NEGR1: variants seen among roughly 807,000 people sequenced by gnomAD.
The protein encoded by NEGR1 is IgLON family member 4.
In NEGR1, 10 loss-of-function variants were observed where a neutral mutation model predicts 40.9. The ratio of observed to expected loss-of-function variants is 0.24; its 90% confidence interval spans 0.15 to 0.42. The LOEUF (loss-of-function observed/expected upper bound fraction) is 0.42. Ranked by LOEUF, NEGR1 falls within the 10% of genes least tolerant of loss-of-function variation. The pLI, the probability that NEGR1 is intolerant of heterozygous loss-of-function variation, is 1.00. For synonymous variants in NEGR1, 185 were observed against 166.8 expected, an observed-to-expected ratio of 1.11 and a Z score of -0.84; for missense variants, 352 against 438.9, an observed-to-expected ratio of 0.80 and a Z score of 1.77.
Position 71,406,899 on chromosome 1 carries a change from A to C in NEGR1, c.*547T>G, listed in dbSNP as rs1168588620. The C allele has an allele frequency of 6.6e-6, 1 of 152,514 alleles. No individual in the cohort carries two copies. Among genetic ancestry groups the C allele is most frequent in the Non-Finnish European group, 1.5e-5 (1 of 67,960 alleles). The allele number at this position is 152,514 out of a possible 1,614,324, so 9.4% of individuals were successfully genotyped here. A position where few individuals can be genotyped will look rare whatever the true frequency, so the allele number is the denominator to read the frequency against. ...CACAGCCAGTTATATTACAAGGCTC[A>C]TTCCTGAAACCTGAATATCATGCGA... is the stretch of plus-strand genomic sequence containing the variant. On this transcript the variant is annotated 3_prime_UTR_variant, in exon 7 of 7. Coordinates refer to ENST00000357731, the MANE Select transcript of NEGR1 (RefSeq NM_173808.3).
intron 2 of NEGR1, among the ~76,000 whole-genome samples, chr1:71,928,565 TAC>T (rs1031171491): frequency 2.0e-5 from 3 of 147,588 alleles, no homozygotes; most frequent in Non-Finnish European, 4.5e-5. Context: ...TGTATATATA[TAC>T]CTATATATAT....
chr1:71,925,006 CGT>C (rs1645758756), intron 2 of NEGR1, among the ~76,000 whole-genome samples: 1 of 151,802 alleles, frequency 6.6e-6, no homozygotes. Flanking sequence ...GAAAGAAATA[CGT>C]GCATTTATAA....
At chr1:71,958,437 A>C (rs989162891) in intron 1 of NEGR1, among the ~76,000 whole-genome samples, 3 of 152,214 alleles carry the variant, frequency 2.0e-5, no homozygotes, top group Non-Finnish European at 2.9e-5. Flanking sequence ...AAACTATGAA[A>C]TATAAGAGAA....
intron 2 of NEGR1, among the ~76,000 whole-genome samples, chr1:71,817,831 C>T (rs759627861): frequency 6.6e-6 from 1 of 152,034 alleles, no homozygotes; most frequent in Admixed American, 6.6e-5. Flanking sequence ...TGGTGTTCTA[C>T]AGTCATGTTG....
At chr1:71,778,437 G>A (rs1393142468) in intron 2 of NEGR1, among the ~76,000 whole-genome samples, 2 of 152,178 alleles carry the variant, frequency 1.3e-5, no homozygotes, top group South Asian at 2.1e-4. Context: ...GTCTGAGCAC[G>A]TTTAATGAAG....
At chr1:71,949,513 A>C (rs1646050689) in intron 1 of NEGR1, among the ~76,000 whole-genome samples, 1 of 152,158 alleles carries the variant, frequency 6.6e-6, no homozygotes. Flanking sequence ...GAATACTATA[A>C]GAACTCCAAA....
intron 6 of NEGR1, among the ~76,000 whole-genome samples, chr1:71,477,636 T>A (rs1459830721): frequency 6.6e-6 from 1 of 152,082 alleles, no homozygotes; most frequent in Admixed American, 6.6e-5. Context: ...GTTGCTTTAG[T>A]TTAGTTAGCT....
At chr1:71,851,315 A>G in intron 2 of NEGR1, among the ~76,000 whole-genome samples, 1 of 152,236 alleles carries the variant, frequency 6.6e-6, no homozygotes, top group East Asian at 1.9e-4. Context: ...CATCCTAGGT[A>G]TGTTTTCTAA....
intron 1 of NEGR1, among the ~76,000 whole-genome samples, chr1:72,048,632 G>C (rs1647025398): frequency 6.6e-6 from 1 of 151,446 alleles, no homozygotes; most frequent in South Asian, 2.1e-4. Context: ...CTAGCAAATA[G>C]AAACTAAAAA....
intron 4 of NEGR1, among the ~76,000 whole-genome samples, chr1:71,635,494 G>C (rs1651117039): frequency 6.6e-6 from 1 of 152,062 alleles, no homozygotes; most frequent in South Asian, 2.1e-4. Flanking sequence ...GAAGGGGTTT[G>C]AGAGAAGTAT....
At chr1:71,917,803 G>A (rs988787212) in intron 2 of NEGR1, among the ~76,000 whole-genome samples, 3 of 146,858 alleles carry the variant, frequency 2.0e-5, no homozygotes, top group African/African-American at 7.6e-5. Flanking sequence ...AAAAAAGTAA[G>A]TCATATATAT....
intron 6 of NEGR1, among the ~76,000 whole-genome samples, chr1:71,495,972 G>C (rs1387346586): frequency 6.6e-6 from 1 of 152,050 alleles, no homozygotes; most frequent in Non-Finnish European, 1.5e-5. Flanking sequence ...TTTTTTGATA[G>C]CAGTTTATTT....
intron 1 of NEGR1, among the ~76,000 whole-genome samples, chr1:72,279,340 T>C (rs1656167136): frequency 6.6e-6 from 1 of 152,176 alleles, no homozygotes; most frequent in Admixed American, 6.5e-5. Context: ...TTCTGTTTTA[T>C]TAGTGTAACC....
At chr1:71,945,298 A>G (rs1459106490) in intron 1 of NEGR1, among the ~76,000 whole-genome samples, 1 of 152,158 alleles carries the variant, frequency 6.6e-6, no homozygotes, top group East Asian at 1.9e-4. Context: ...TGTTTAGGAC[A>G]GAAGGAGGTG....
At position 72,175,053 on chromosome 1, in the gene NEGR1, G is replaced by T. The variant is rs918005697; in HGVS notation, c.176+107266C>A. On this transcript the variant is annotated intron_variant, in intron 1 of 6. Coordinates refer to ENST00000357731, the MANE Select transcript of NEGR1 (RefSeq NM_173808.3). ...ACATATGTATACATGTGCCATGCTG[G>T]TGTGCTGCACCCATTAACTCGTCAT... 4.6e-5 allele frequency among the ~76,000 whole-genome samples: 7 copies of T among 151,970 alleles called. No individual in the cohort carries two copies. The East Asian group carries it at 1.4e-3, about 29-fold the overall frequency.
At chr1:71,948,496 T>TGTGTGAGAGA (rs1368411356) in intron 1 of NEGR1, among the ~76,000 whole-genome samples, 6 of 148,502 alleles carry the variant, frequency 4.0e-5, no homozygotes, top group African/African-American at 9.9e-5. Flanking sequence ...TGTGTGTGTG[T>TGTGTGAGAGA]GAGAGAGAGA....
intron 5 of NEGR1, among the ~76,000 whole-genome samples, chr1:71,600,254 T>C (rs1415590718): frequency 6.6e-6 from 1 of 152,202 alleles, no homozygotes; most frequent in Admixed American, 6.5e-5. Context: ...CAACAGAGTG[T>C]ATCATTCATG....
intron 6 of NEGR1, among the ~76,000 whole-genome samples, chr1:71,567,172 C>T (rs1406468598): frequency 6.6e-6 from 1 of 152,086 alleles, no homozygotes; most frequent in East Asian, 1.9e-4. Context: ...AGACCCACAA[C>T]ATTCTTTTCT....
At chr1:71,842,188 G>A (rs1430483871) in intron 2 of NEGR1, among the ~76,000 whole-genome samples, 1 of 152,030 alleles carries the variant, frequency 6.6e-6, no homozygotes, top group Non-Finnish European at 1.5e-5. Flanking sequence ...TTGACGATCT[G>A]GCTTTGTCAC....
Sources: gnomAD v4.1 joint callset for allele counts (sites outside exome capture counted in the v4.1 genomes callset) on GRCh38, gnomAD v4.1.1 for gene constraint, MANE v1.5 for transcripts, NCBI Gene and HGNC (gene_info 2026-07-23, HGNC 2026-07-21) for gene names.